CLYBL: variants seen among roughly 807,000 people sequenced by gnomAD.
The protein encoded by CLYBL is citramalyl-CoA lyase.
A neutral mutation model predicts 38.9 loss-of-function variants in CLYBL; 31 were observed. The ratio of observed to expected loss-of-function variants is 0.80; its 90% CI spans 0.60 to 1.08. The LOEUF is 1.08. CLYBL is among the 50% of genes least tolerant of loss of function. The probability of loss-of-function intolerance (pLI) is 0.00; values close to 1 mark genes in which losing one functional copy is unlikely to be tolerated. For missense variants in CLYBL, 434 were observed against 411.6 expected, an observed-to-expected ratio of 1.05 and a Z score of -0.47; for synonymous variants, 171 against 158.6, an observed-to-expected ratio of 1.08 and a Z score of -0.59.
chr13:99,721,124 A>G (rs1239739546), intron 1 of CLYBL, among the ~76,000 whole-genome samples: 2 of 151,144 alleles, frequency 1.3e-5, no homozygotes, highest in Non-Finnish European at 2.9e-5. Flanking sequence ...GCCCACTGCA[A>G]CCTCCACCTC....
At chr13:99,832,244 T>C (rs559801874) in intron 2 of CLYBL, among the ~76,000 whole-genome samples, 7 of 152,250 alleles carry the variant, frequency 4.6e-5, no homozygotes, top group Non-Finnish European at 7.3e-5. Context: ...ACAATTATCC[T>C]GTAGTGGTCT....
chr13:99,717,163 C>G (rs75253583), intron 1 of CLYBL, among the ~76,000 whole-genome samples: 1 of 151,514 alleles, frequency 6.6e-6, no homozygotes, highest in Non-Finnish European at 1.5e-5. Flanking sequence ...TGGTGGCTTA[C>G]GCCTGTAATC....
intron 8 of CLYBL, among the ~76,000 whole-genome samples, chr13:99,902,459 C>T (rs2052653485): frequency 6.6e-6 from 1 of 152,164 alleles, no homozygotes; most frequent in South Asian, 2.1e-4. Flanking sequence ...ATGCACACTG[C>T]CTATGAAAAT....
chr13:99,785,683 G>A (rs146686587), intron 2 of CLYBL, among the ~76,000 whole-genome samples: 10 of 151,346 alleles, frequency 6.6e-5, no homozygotes, highest in African/African-American at 2.4e-4. Flanking sequence ...TGCAACATCT[G>A]CCTCCCAGGT....
intron 1 of CLYBL, among the ~76,000 whole-genome samples, chr13:99,763,197 A>G (rs562913940): frequency 6.6e-6 from 1 of 152,300 alleles, no homozygotes; most frequent in African/African-American, 2.4e-5. Flanking sequence ...AGGATCTTCT[A>G]GTATTATATT....
intron 2 of CLYBL, among the ~76,000 whole-genome samples, chr13:99,833,003 C>CATATATATATATAT (rs1566345646): frequency 5.5e-5 from 4 of 73,308 alleles, no homozygotes; most frequent in Admixed American, 2.0e-4. Context: ...TACATACATA[C>CATATATATATATAT]ATACATATAT....
Position 99,858,948 on chromosome 13 carries a change from A to G in CLYBL, c.337A>G (p.Ser113Gly). 6.2e-7 allele frequency: 1 copy of G among 1,614,126 alleles called. No individual in the cohort carries two copies. Among genetic ancestry groups the G allele is most frequent in the East Asian group, 2.2e-5 (1 of 44,880 alleles). Residue 113 changes from serine (S) to glycine (G), a missense_variant, in exon 3 of 9, where the codon AGT (serine) becomes GGT (glycine). By Grantham distance (56) the Ser-to-Gly change is moderately conservative (BLOSUM62 0). Transcript: ENST00000339105. ...EKCVRVNSVS[S>G]GLAEEDLETL... ...ATGTGTGAGAGTCAACTCAGTTTCCAGTGGTCTGGCGGAAGAAGACCTAGA... is the reference window on the plus strand; with the variant it reads ...ATGTGTGAGAGTCAACTCAGTTTCCGGTGGTCTGGCGGAAGAAGACCTAGA...
chr13:99,677,358 C>T (rs894513975), intron 1 of CLYBL, among the ~76,000 whole-genome samples: 10 of 152,002 alleles, frequency 6.6e-5, no homozygotes, highest in African/African-American at 1.9e-4. Flanking sequence ...TTGTAATTGC[C>T]GATCACTCCT....
chr13:99,880,048 A>ATG (rs1266150454), intron 7 of CLYBL, among the ~76,000 whole-genome samples: 23 of 60,808 alleles, frequency 3.8e-4, no homozygotes, highest in South Asian at 1.1e-3. Flanking sequence ...ATATGTGTGT[A>ATG]TGTATATATA....
chr13:99,864,766 C>T (rs2051696856), intron 4 of CLYBL, 52 bp from the exon 5 acceptor site: 1 of 1,258,764 alleles, frequency 7.9e-7, no homozygotes, highest in South Asian at 1.2e-5. Flanking sequence ...GTGCCTCTTC[C>T]CTCTGACGCA....
At chr13:99,877,662 C>T (rs751784434) in intron 7 of CLYBL, 12 of 320,118 alleles carry the variant, frequency 3.7e-5, no homozygotes, top group African/African-American at 7.0e-5. Flanking sequence ...CTGCAACCTC[C>T]GCCTCCCGGG....
chr13:99,745,632 G>A (rs2048834957), intron 1 of CLYBL, among the ~76,000 whole-genome samples: 4 of 152,082 alleles, frequency 2.6e-5, no homozygotes, highest in Admixed American at 2.6e-4. Context: ...GTTTTAATTT[G>A]CATCACACTT....
intron 1 of CLYBL, among the ~76,000 whole-genome samples, chr13:99,687,091 C>T (rs1052638709): frequency 4.6e-5 from 7 of 152,308 alleles, no homozygotes; most frequent in African/African-American, 1.7e-4. Flanking sequence ...TCTTCATTTG[C>T]AAGACTAAGG....
At chr13:99,887,863 T>G (rs1265288069) in intron 7 of CLYBL, among the ~76,000 whole-genome samples, 19 of 152,032 alleles carry the variant, frequency 1.2e-4, no homozygotes, top group Non-Finnish European at 2.5e-4. Flanking sequence ...TGGGGTTTTT[T>G]TTTTTTTTTT....
intron 2 of CLYBL, among the ~76,000 whole-genome samples, chr13:99,854,948 G>T (rs935319423): frequency 6.6e-6 from 1 of 152,132 alleles, no homozygotes; most frequent in Non-Finnish European, 1.5e-5. Flanking sequence ...ACGAAATATC[G>T]ATTGAATGCG....
intron 2 of CLYBL, among the ~76,000 whole-genome samples, chr13:99,786,764 T>C (rs2049805073): frequency 6.6e-6 from 1 of 152,054 alleles, no homozygotes; most frequent in African/African-American, 2.4e-5. Flanking sequence ...TAGTTCTAGA[T>C]GCTTGAGGAA....
chr13:99,909,278 C>T (rs2052726952), exon 10 of CLYBL, among the ~76,000 whole-genome samples: 1 of 152,234 alleles, frequency 6.6e-6, no homozygotes. Flanking sequence ...TGTTACTTCA[C>T]CTCTCTGGGC....
chr13:99,790,143 CTT>C (rs1320509751), intron 2 of CLYBL, among the ~76,000 whole-genome samples: 8 of 152,044 alleles, frequency 5.3e-5, no homozygotes, highest in South Asian at 2.1e-4. Context: ...GGTCTTGACT[CTT>C]TATCCAATTT....
At position 99,738,127 on chromosome 13, in the gene CLYBL, G is replaced by C. The variant is rs571556468; in HGVS notation, c.63-34697G>C. Among the ~76,000 whole-genome samples, 5 of 152,298 alleles carry C rather than the reference G, an allele frequency of 3.3e-5. No homozygotes were observed. The East Asian group carries it at 7.7e-4, about 23-fold the overall frequency. On this transcript the variant is annotated intron_variant, in intron 1 of 8. Coordinates refer to ENST00000339105, the MANE Select transcript of CLYBL (RefSeq NM_206808.5). Reference sequence around the variant, plus strand: ...AAATTCTTTAATTAAACCATGGTGGGTATTCCCTGATTGAAATATCTGCCT... The same window carrying C: ...AAATTCTTTAATTAAACCATGGTGGCTATTCCCTGATTGAAATATCTGCCT...
Sources: gnomAD v4.1 joint callset for allele counts (sites outside exome capture counted in the v4.1 genomes callset) on GRCh38, gnomAD v4.1.1 for gene constraint, MANE v1.5 for transcripts, NCBI Gene and HGNC (gene_info 2026-07-23, HGNC 2026-07-21) for gene names.